Variants in SCAMP1 observed in about 807,000 individuals in gnomAD.
SCAMP1 encodes secretory carrier membrane protein 1.
Under a neutral mutation model 41.8 loss-of-function variants are expected in SCAMP1, and 15 were observed. The observed-to-expected ratio is 0.36, with a 90% CI of 0.24 to 0.55. SCAMP1 has a LOEUF of 0.55. Ranked by LOEUF, SCAMP1 falls within the 20% of genes least tolerant of loss-of-function variation. The probability of loss-of-function intolerance (pLI) is 0.86; values close to 1 mark genes in which losing one functional copy is unlikely to be tolerated. For synonymous variants in SCAMP1, 135 were observed against 136.8 expected (o/e 0.99, Z 0.09); for missense variants, 341 against 412.6 (o/e 0.83, Z 1.50).
At chr5:78,463,236 A>G (rs955537605) in intron 8 of SCAMP1, among the ~76,000 whole-genome samples, 2 of 152,204 alleles carry the variant, frequency 1.3e-5, no homozygotes, top group East Asian at 3.8e-4. Context: ...GTAGCTTTCT[A>G]CACCACAGAT....
chr5:78,436,253 T>C (rs1752750091), intron 6 of SCAMP1, among the ~76,000 whole-genome samples: 1 of 152,232 alleles, frequency 6.6e-6, no homozygotes, highest in Admixed American at 6.5e-5. Context: ...CTATTTTGGC[T>C]TTTGTTGCTA....
chr5:78,398,982 C>T (rs1449795457), intron 2 of SCAMP1, among the ~76,000 whole-genome samples: 1 of 152,094 alleles, frequency 6.6e-6, no homozygotes, highest in African/African-American at 2.4e-5. Context: ...ATCTCTTTGC[C>T]CCTTCCCAGA....
rs1436942438 is a variant in SCAMP1, at chr5:78,475,615, T to C, written c.964T>C (p.Ser322Pro). Residue 322 changes from serine to proline, a missense_variant, in exon 9 of 9, where the codon TCA becomes CCA. Transcript: ENST00000621999. ...TVQTAAANAA[S>P]TAASSAAQNA... Reference sequence around the variant, plus strand: ...CCAGACCGCAGCTGCAAATGCAGCTTCAACTGCAGCATCTAGTGCAGCTCA... The same window carrying C: ...CCAGACCGCAGCTGCAAATGCAGCTCCAACTGCAGCATCTAGTGCAGCTCA... 2.5e-6 allele frequency: 4 copies of C among 1,604,272 alleles called. No homozygotes were observed. Among genetic ancestry groups the C allele is most frequent in the Non-Finnish European group, 2.6e-6 (3 of 1,175,308 alleles).
At position 78,385,570 on chromosome 5, in the gene SCAMP1, T is replaced by A. The variant is rs536912411; in HGVS notation, c.58-3267T>A. ...ATTTGTGCTGTTTCAGACTTTTTGA[T>A]GTAAGCATTTAATACTATGAACTTT... is the stretch of plus-strand genomic sequence containing the variant. On this transcript the variant is annotated intron_variant, in intron 1 of 8. Coordinates refer to ENST00000621999, the MANE Select transcript of SCAMP1 (RefSeq NM_004866.6). Among the ~76,000 whole-genome samples the A allele has an allele frequency of 2.0e-5, 3 of 152,294 alleles. No homozygotes were observed. The South Asian group carries it at 6.2e-4, about 32-fold the overall frequency.
chr5:78,474,625 C>T (rs1020240770), intron 8 of SCAMP1, among the ~76,000 whole-genome samples: 1 of 152,154 alleles, frequency 6.6e-6, no homozygotes, highest in Non-Finnish European at 1.5e-5. Context: ...TGGCCCTTCC[C>T]TAAGCCTGCT....
intron 8 of SCAMP1, among the ~76,000 whole-genome samples, chr5:78,466,637 A>C (rs1011800202): frequency 5.3e-5 from 8 of 152,168 alleles, no homozygotes; most frequent in Admixed American, 5.2e-4. Flanking sequence ...GAAATTGAAC[A>C]CGTAAGTATA....
intron 1 of SCAMP1, among the ~76,000 whole-genome samples, chr5:78,383,738 CG>C (rs1317478065): frequency 6.6e-6 from 1 of 152,062 alleles, no homozygotes; most frequent in East Asian, 1.9e-4. Context: ...GATCAGCTGA[CG>C]GTAAGTATTT....
chr5:78,431,416 G>A (rs1392010450), intron 6 of SCAMP1, among the ~76,000 whole-genome samples: 3 of 150,828 alleles, frequency 2.0e-5, no homozygotes, highest in African/African-American at 4.9e-5. Flanking sequence ...TTTAATTAAT[G>A]TGCTTATGCC....
chr5:78,381,830 G>T (rs1421650687), intron 1 of SCAMP1, among the ~76,000 whole-genome samples: 1 of 152,154 alleles, frequency 6.6e-6, no homozygotes, highest in Non-Finnish European at 1.5e-5. Flanking sequence ...AATTTATAAG[G>T]CTGGAAAAAT....
At position 78,360,738 on chromosome 5, in the gene SCAMP1, G is replaced by A. The variant is rs370708821; in HGVS notation, c.57+10G>A. On this transcript the variant is annotated intron_variant, in intron 1 of 8. Coordinates refer to ENST00000621999, the MANE Select transcript of SCAMP1 (RefSeq NM_004866.6). ...CAACAATCCCTTCAAGGTGAGCTTCGGCCCCAGCATCTCCTGCCGCCGCGA... is the reference window on the plus strand; with the variant it reads ...CAACAATCCCTTCAAGGTGAGCTTCAGCCCCAGCATCTCCTGCCGCCGCGA... 2.4e-5 allele frequency: 39 copies of A among 1,603,730 alleles called. No homozygotes were observed. The highest frequency in any genetic ancestry group is 3.3e-5 in the Non-Finnish European group (39 of 1,175,636).
intron 5 of SCAMP1, 46 bp from the exon 6 acceptor site, chr5:78,421,755 T>C: frequency 6.6e-7 from 1 of 1,524,500 alleles, no homozygotes; most frequent in Non-Finnish European, 8.9e-7. Context: ...AATTCATAAA[T>C]TGAATGTAAA....
chr5:78,454,268 A>C (rs1365058249), intron 7 of SCAMP1, among the ~76,000 whole-genome samples: 6 of 152,224 alleles, frequency 3.9e-5, no homozygotes, highest in Non-Finnish European at 8.8e-5. Flanking sequence ...GCCAGTTTTC[A>C]AAGGGAATGC....
chr5:78,469,930 A>AAAAAAC (rs1753842741), intron 8 of SCAMP1, among the ~76,000 whole-genome samples: 1 of 21,056 alleles, frequency 4.7e-5, no homozygotes, highest in Non-Finnish European at 9.5e-5. Flanking sequence ...AAAAAAAAAA[A>AAAAAAC]AACAACAACA....
rs1459405590 is a variant in SCAMP1, at chr5:78,455,679, T to G, written c.735-3566T>G. On this transcript the variant is annotated intron_variant, in intron 7 of 8. Coordinates refer to ENST00000621999, the MANE Select transcript of SCAMP1 (RefSeq NM_004866.6). The stretch of plus-strand genomic sequence containing the variant: ...TATTCTGTTGATTTGGGGTGGAGAG[T>G]TCTGTAGATGTCTATTAGGTCTGCT... Among the ~76,000 whole-genome samples the G allele has an allele frequency of 4.7e-3, 627 of 134,582 alleles. 12 individuals carry two copies. Among genetic ancestry groups the G allele is most frequent in the African/African-American group, 0.017 (598 of 34,970 alleles). 88.3% of individuals were successfully genotyped at this position (134,582 alleles called of 152,430 possible). A position where few individuals can be genotyped will look rare whatever the true frequency, so the allele number is the denominator to read the frequency against.
rs1006828274 is a variant in SCAMP1 at position 78,398,265 on chromosome 5, A to T, written c.135+9351A>T. ...TACAACATAGTTGAACCTTGAAAAC[A>T]TTATGCCTTCACCATTATCAAACAA... On this transcript the variant is annotated intron_variant, in intron 2 of 8. Coordinates refer to ENST00000621999, the MANE Select transcript of SCAMP1 (RefSeq NM_004866.6). Among the ~76,000 whole-genome samples the T allele has an allele frequency of 4.6e-5, 7 of 151,872 alleles. 1 individual carries two copies.
chr5:78,362,278 C>T (rs888498992), intron 1 of SCAMP1, among the ~76,000 whole-genome samples: 1 of 152,220 alleles, frequency 6.6e-6, no homozygotes, highest in Admixed American at 6.5e-5. Context: ...AGATAATTCA[C>T]TGACGCTGTT....
chr5:78,425,823 G>C (rs1752454984), intron 6 of SCAMP1, among the ~76,000 whole-genome samples: 1 of 152,098 alleles, frequency 6.6e-6, no homozygotes, highest in Non-Finnish European at 1.5e-5. Flanking sequence ...TACATGCGCA[G>C]AATGTGCAGG....
chr5:78,472,035 AT>A lies in SCAMP1; in HGVS notation c.853-3459del, dbSNP rs573897426. 5.8e-3 allele frequency among the ~76,000 whole-genome samples: 877 copies of A among 149,930 alleles called. 4 individuals carry two copies. Among genetic ancestry groups the A allele is most frequent in the Non-Finnish European group, 0.01 (676 of 67,284 alleles). ...GAAAAGATAGTATTTAAGTTGTTTA[AT>A]TTTTTTTTTGAATTCTCTAGGCTAT... On this transcript the variant is annotated intron_variant, in intron 8 of 8. Coordinates refer to ENST00000621999, the MANE Select transcript of SCAMP1 (RefSeq NM_004866.6).
In SCAMP1 at chr5:78,426,638, A is replaced by G. The variant is rs182713884; in HGVS notation, c.632+4678A>G. Reference sequence around the variant, plus strand: ...TTCAATGATTTTTAAGTAAATTAATAGAGTTGTGCAATCATTACCACAATC... The same window carrying G: ...TTCAATGATTTTTAAGTAAATTAATGGAGTTGTGCAATCATTACCACAATC... On this transcript the variant is annotated intron_variant, in intron 6 of 8. Coordinates refer to ENST00000621999, the MANE Select transcript of SCAMP1 (RefSeq NM_004866.6). 1.1e-3 allele frequency among the ~76,000 whole-genome samples: 171 copies of G among 152,330 alleles called. 1 individual carries two copies. Among genetic ancestry groups the G allele is most frequent in the Non-Finnish European group, 1.0e-3 (71 of 68,034 alleles).
Sources: allele counts gnomAD v4.1 joint callset (sites outside exome capture counted in the v4.1 genomes callset), GRCh38; gene constraint gnomAD v4.1.1; transcripts MANE v1.5; gene names NCBI Gene and HGNC (gene_info 2026-07-23, HGNC 2026-07-21).